HAUS6: variants seen among roughly 807,000 people sequenced by gnomAD.
HAUS6 encodes the protein HAUS augmin like complex subunit 6, also known as HAUS augmin-like complex subunit 6.
HAUS6 carries 80 observed loss-of-function variants against 106.8 expected under a neutral mutation model. The ratio of observed to expected loss-of-function variants is 0.75; its 90% confidence interval spans 0.63 to 0.90. The LOEUF (loss-of-function observed/expected upper bound fraction) is 0.90, where lower values mean the gene tolerates loss of function less well. HAUS6 is among the 40% of genes least tolerant of loss of function. The pLI is 0.00. For synonymous variants in HAUS6, 356 were observed against 379.1 expected (o/e 0.94, Z 0.71); for missense variants, 1,155 against 1,118.1 (o/e 1.03, Z -0.47).
chr9:19,078,133 A>T (rs202123843), intron 10 of HAUS6, 43 bp downstream of exon 10: 27 of 1,410,280 alleles, frequency 1.9e-5, no homozygotes, highest in South Asian at 2.6e-5. Flanking sequence ...AAAAAAAAAA[A>T]GGTGGGTGGC....
chr9:19,075,405 T>A (rs750127597), intron 11 of HAUS6, among the ~76,000 whole-genome samples: 7 of 152,222 alleles, frequency 4.6e-5, no homozygotes, highest in Non-Finnish European at 1.0e-4. Flanking sequence ...TCAACAAATC[T>A]GATTTTTAAA....
chr9:19,087,107 C>G lies in HAUS6; in HGVS notation c.634G>C (p.Glu212Gln). 6.6e-7 allele frequency: 1 copy of G among 1,516,848 alleles called. No individual in the cohort carries two copies. Among genetic ancestry groups the G allele is most frequent in the Non-Finnish European group, 9.2e-7 (1 of 1,092,104 alleles). 94.0% of individuals were successfully genotyped at this position (1,516,848 alleles called of 1,614,324 possible). ...GTCACTTACTTCTTTATTTGGTTTT[C>G]CAATCCTATACATTCAGATCTCAAG... ...RNLRSECIGL[E>Q]NQIKKMEPYD... is the part of the protein sequence containing the mutation. The change falls in exon 6 of 17, where the codon GAA (glutamate) becomes CAA (glutamine). Residue 212 changes from glutamate to glutamine, a missense_variant. Physicochemically the swap from Glu to Gln is conservative, Grantham distance 29. Transcript: ENST00000380502.
chr9:19,062,050 T>A (rs971867783), intron 14 of HAUS6, among the ~76,000 whole-genome samples: 1 of 152,212 alleles, frequency 6.6e-6, no homozygotes, highest in African/African-American at 2.4e-5. Flanking sequence ...GTGGAAAACA[T>A]GTACTAAAAA....
chr9:19,067,529 T>C (rs1056982203), intron 12 of HAUS6, among the ~76,000 whole-genome samples: 2 of 152,174 alleles, frequency 1.3e-5, no homozygotes, highest in Non-Finnish European at 2.9e-5. Flanking sequence ...ACTAAAAGAT[T>C]CAGGAGCTTA....
chr9:19,084,143 G>C (rs1006875042), intron 7 of HAUS6, among the ~76,000 whole-genome samples: 18 of 151,598 alleles, frequency 1.2e-4, no homozygotes, highest in Admixed American at 9.9e-4. Flanking sequence ...AGTAAAAAGG[G>C]TACATTGGTG....
At chr9:19,074,561 T>C (rs149974303) in intron 11 of HAUS6, among the ~76,000 whole-genome samples, 173 of 152,258 alleles carry the variant, frequency 1.1e-3, no homozygotes, top group African/African-American at 3.9e-3. Flanking sequence ...TGTGAGCTGC[T>C]ATGCCCAGCC....
intron 12 of HAUS6, among the ~76,000 whole-genome samples, chr9:19,069,799 T>C (rs1439448954): frequency 6.6e-6 from 1 of 151,882 alleles, no homozygotes; most frequent in Non-Finnish European, 1.5e-5. Flanking sequence ...AAAATCAATA[T>C]AAAAATCAAA....
At chr9:19,077,135 C>T (rs1227602574) in intron 10 of HAUS6, among the ~76,000 whole-genome samples, 2 of 152,162 alleles carry the variant, frequency 1.3e-5, no homozygotes, top group African/African-American at 4.8e-5. Flanking sequence ...TGAGCCACCA[C>T]GCCCAGCCCT....
intron 14 of HAUS6, 40 bp from the exon 15 acceptor site, chr9:19,060,263 C>G (rs777815183): frequency 1.4e-6 from 2 of 1,461,328 alleles, no homozygotes; most frequent in Non-Finnish European, 1.8e-6. Flanking sequence ...GATTACCAAG[C>G]CCATTGGTAG....
chr9:19,086,704 T>C (rs1388986394), intron 7 of HAUS6, 30 bp downstream of exon 7: 8 of 994,610 alleles, frequency 8.0e-6, no homozygotes, highest in Non-Finnish European at 1.1e-5. Flanking sequence ...TTTTAAAAGA[T>C]TAAATTTCTC....
intron 15 of HAUS6, 92 bp downstream of exon 15, chr9:19,059,996 G>A: frequency 1.1e-6 from 1 of 946,496 alleles, no homozygotes; most frequent in Admixed American, 2.4e-5. Flanking sequence ...AACAGCCTTT[G>A]GCAACTCAGC....
chr9:19,079,596 C>G (rs1207543026), intron 9 of HAUS6, among the ~76,000 whole-genome samples: 1 of 152,096 alleles, frequency 6.6e-6, no homozygotes, highest in Non-Finnish European at 1.5e-5. Context: ...TTCACTCCCA[C>G]TCTCTGTCCA....
rs1837012418 is a variant in HAUS6, at chr9:19,076,646, A to C, written c.1250T>G (p.Val417Gly). 1 of 1,594,556 alleles carries C rather than the reference A, an allele frequency of 6.3e-7. No individual in the cohort carries two copies. Among genetic ancestry groups the C allele is most frequent in the South Asian group, 1.1e-5 (1 of 90,444 alleles). ...CTGACAAAGAATACTCTTTGCATACACTTCTTCTGAGGCAGGATCAAACGA... is the reference window on the plus strand; with the variant it reads ...CTGACAAAGAATACTCTTTGCATACCCTTCTTCTGAGGCAGGATCAAACGA... ...PLSFDPASEE[V>G]YAKSILCQYP... Residue 417 changes from valine (V) to glycine (G), a missense_variant, in exon 11 of 17, where the codon GTG becomes GGG. This residue lies in a region of HAUS6 where 761 missense variants were observed against 690.0 expected (regional missense o/e 1.10). Coordinates refer to ENST00000380502, the MANE Select transcript of HAUS6 (RefSeq NM_017645.5).
chr9:19,102,572 G>A lies in HAUS6; in HGVS notation c.80C>T (p.Pro27Leu). The A allele has an allele frequency of 4.3e-6, 7 of 1,613,882 alleles. No homozygotes were observed. The highest frequency in any genetic ancestry group is 2.2e-5 in the South Asian group (2 of 91,064). ...YLQALGFEPGPATIACGKIVS... is the reference protein window; with the variant it reads ...YLQALGFEPGLATIACGKIVS... Reference sequence around the variant, plus strand: ...GATCTTTCCGCAGGCAATGGTTGCCGGGCCTGGCTCGAAGCCGAGCGCCTG... The same window carrying A: ...GATCTTTCCGCAGGCAATGGTTGCCAGGCCTGGCTCGAAGCCGAGCGCCTG... The change falls in exon 1 of 17, where the codon CCG (proline) becomes CTG (leucine). Residue 27 changes from proline to leucine, a missense_variant. Pro to Leu is a moderately conservative substitution (Grantham distance 98). This residue lies in a region of HAUS6 where 761 missense variants were observed against 690.0 expected (regional missense o/e 1.10). Transcript: ENST00000380502.
intron 1 of HAUS6, among the ~76,000 whole-genome samples, chr9:19,100,897 G>A (rs1255844768): frequency 1.3e-5 from 2 of 152,158 alleles, no homozygotes; most frequent in Non-Finnish European, 2.9e-5. Flanking sequence ...ACCTCATGGA[G>A]GTAGGGAGTA....
chr9:19,094,565 A>G (rs1817822248), intron 2 of HAUS6, among the ~76,000 whole-genome samples, 170 bp from the exon 3 acceptor site: 1 of 152,160 alleles, frequency 6.6e-6, no homozygotes, highest in African/African-American at 2.4e-5. Context: ...GCCAATGCAG[A>G]CAGATCACTT....
intron 7 of HAUS6, among the ~76,000 whole-genome samples, chr9:19,086,429 T>A (rs767680101): frequency 3.9e-5 from 6 of 152,284 alleles, no homozygotes; most frequent in Admixed American, 1.3e-4. Flanking sequence ...AAGACCAGCC[T>A]GGCCAACATG....
chr9:19,083,010 G>A lies in HAUS6; in HGVS notation c.733C>T (p.Leu245Phe), dbSNP rs1837197451. 1 of 1,589,588 alleles carries A rather than the reference G, an allele frequency of 6.3e-7. No homozygotes were observed. Among genetic ancestry groups the A allele is most frequent in the African/African-American group, 1.4e-5 (1 of 73,396 alleles). The part of the protein sequence containing the change: ...RSLWASVNET[L>F]MFLEKEREVV... ...TCTCTCTCTTTTTCCAAAAACATGA[G>A]CGTTTCATTCACTGAAGCCCACAAA... Residue 245 changes from leucine (L) to phenylalanine (F), a missense_variant, in exon 8 of 17, where the codon CTC (leucine) becomes TTC (phenylalanine). Leu to Phe is a conservative substitution (Grantham distance 22). Transcript: ENST00000380502.
chr9:19,098,639 G>C (rs979187775), intron 1 of HAUS6, among the ~76,000 whole-genome samples: 1 of 151,990 alleles, frequency 6.6e-6, no homozygotes, highest in Non-Finnish European at 1.5e-5. Flanking sequence ...TCTATTCTCT[G>C]TAATGCAACC....
Sources: allele counts gnomAD v4.1 joint callset (sites outside exome capture counted in the v4.1 genomes callset), GRCh38; gene constraint gnomAD v4.1.1; regional missense constraint gnomAD v4.1.1; transcripts MANE v1.5; gene names NCBI Gene and HGNC (gene_info 2026-07-23, HGNC 2026-07-21).